GALNT13: variants seen among roughly 807,000 people sequenced by gnomAD.
GALNT13 encodes polypeptide N-acetylgalactosaminyltransferase 13, also known as UDP-GalNAc:polypeptide N-acetylgalactosaminyltransferase 13.
A neutral mutation model predicts 64.2 loss-of-function variants in GALNT13; 28 were observed. That is an observed-to-expected ratio of 0.44 (90% CI 0.32 to 0.60). The LOEUF (loss-of-function observed/expected upper bound fraction) is 0.60. GALNT13 is among the 20% of genes least tolerant of loss of function. The pLI is 0.05. For synonymous variants in GALNT13, 214 were observed against 224.6 expected, an observed-to-expected ratio of 0.95 and a Z score of 0.42; for missense variants, 577 against 669.8, an observed-to-expected ratio of 0.86 and a Z score of 1.53.
chr2:153,763,040 C>T, the GALNT13 span, among the ~76,000 whole-genome samples: 1 of 151,730 alleles, frequency 6.6e-6, no homozygotes, highest in African/African-American at 2.4e-5. Flanking sequence ...ATTATACCCA[C>T]ATTTTATGTT....
intron 9 of GALNT13, among the ~76,000 whole-genome samples, chr2:154,389,802 T>C (rs1055552671): frequency 1.3e-5 from 2 of 152,070 alleles, no homozygotes; most frequent in Non-Finnish European, 2.9e-5. Flanking sequence ...GAGGTTTATA[T>C]AGCAGCAAAA....
chr2:153,220,726 C>T, the GALNT13 span, among the ~76,000 whole-genome samples: 1 of 152,108 alleles, frequency 6.6e-6, no homozygotes, highest in Non-Finnish European at 1.5e-5. Context: ...CCCACTCCTG[C>T]ACATAGGCTA....
At chr2:154,139,113 A>G (rs16836103) in intron 3 of GALNT13, among the ~76,000 whole-genome samples, 11,271 of 151,850 alleles carry the variant, frequency 0.074, 490 homozygotes, top group Middle Eastern at 0.14. Flanking sequence ...AGAGATGCCT[A>G]TTCTCTTATA....
At chr2:154,084,655 TTAAAA>T (rs953537570) in intron 3 of GALNT13, among the ~76,000 whole-genome samples, 2 of 151,960 alleles carry the variant, frequency 1.3e-5, no homozygotes, top group African/African-American at 4.8e-5. Flanking sequence ...TGTGTCTTAG[TTAAAA>T]TAATAGGGAA....
intron 3 of GALNT13, among the ~76,000 whole-genome samples, chr2:154,036,963 C>A (rs1249432479): frequency 1.3e-5 from 2 of 152,086 alleles, no homozygotes; most frequent in African/African-American, 2.4e-5. Context: ...AATCCTTCCT[C>A]TAGAAAACAA....
chr2:154,393,097 T>C (rs1239150242), intron 9 of GALNT13, among the ~76,000 whole-genome samples: 1 of 152,228 alleles, frequency 6.6e-6, no homozygotes, highest in African/African-American at 2.4e-5. Context: ...AAATTTGAGA[T>C]GCTTAGTATA....
At chr2:154,305,106 G>T (rs774019504) in intron 9 of GALNT13, among the ~76,000 whole-genome samples, 1 of 152,130 alleles carries the variant, frequency 6.6e-6, no homozygotes, top group Non-Finnish European at 1.5e-5. Flanking sequence ...AGATAAAACA[G>T]GTTGCATTCA....
chr2:153,327,669 T>G, the GALNT13 span, among the ~76,000 whole-genome samples: 1 of 152,008 alleles, frequency 6.6e-6, no homozygotes, highest in South Asian at 2.1e-4. Flanking sequence ...TTCTCTAAAC[T>G]GGTTATTCCA....
chr2:154,094,519 T>A (rs1344564979), intron 3 of GALNT13, among the ~76,000 whole-genome samples: 1 of 152,012 alleles, frequency 6.6e-6, no homozygotes, highest in Non-Finnish European at 1.5e-5. Flanking sequence ...TAAATGCTTA[T>A]TTTTGTGAGA....
chr2:153,871,528 C>T (rs912907835), upstream of GALNT13, among the ~76,000 whole-genome samples: 2 of 152,228 alleles, frequency 1.3e-5, no homozygotes, highest in African/African-American at 4.8e-5. Context: ...CTCTAAGAGG[C>T]TCCCTGGTGC....
intron 2 of GALNT13, among the ~76,000 whole-genome samples, chr2:153,921,817 C>T (rs1202960909): frequency 2.0e-5 from 3 of 151,872 alleles, no homozygotes; most frequent in Non-Finnish European, 4.4e-5. Flanking sequence ...ACAAATATAT[C>T]CTGCAGAGCC....
chr2:153,189,106 G>A, the GALNT13 span, among the ~76,000 whole-genome samples: 11 of 152,250 alleles, frequency 7.2e-5, no homozygotes, highest in East Asian at 3.9e-4. Context: ...AAAGTGAGCC[G>A]TCTCTCTTAT....
intron 11 of GALNT13, among the ~76,000 whole-genome samples, chr2:154,423,848 A>AAAT (rs1700358280): frequency 6.6e-6 from 1 of 152,148 alleles, no homozygotes; most frequent in Admixed American, 6.6e-5. Context: ...AAATATTGGC[A>AAAT]AATACTACCT....
chr2:154,296,877 C>T (rs997056426), intron 8 of GALNT13, among the ~76,000 whole-genome samples: 1 of 152,048 alleles, frequency 6.6e-6, no homozygotes, highest in Non-Finnish European at 1.5e-5. Flanking sequence ...TCCATCAACC[C>T]GTCAGCAATT....
chr2:153,301,095 C>T, the GALNT13 span, among the ~76,000 whole-genome samples: 866 of 151,868 alleles, frequency 5.7e-3, 7 homozygotes, highest in African/African-American at 0.019. Context: ...ACTCAGGGGC[C>T]TGAGGTGGAA....
In GALNT13 at chr2:154,124,430, A is replaced by C. The variant is rs76634011; in HGVS notation, c.143-15907A>C. ...ATTTTGTTATAGATCTGCGTACAAC[A>C]AATAATATTGCAAATAAAGCCAGTA... On this transcript the variant is annotated intron_variant, in intron 3 of 12. Coordinates refer to ENST00000392825, the MANE Select transcript of GALNT13 (RefSeq NM_052917.4). Among the ~76,000 whole-genome samples, 920 of 152,188 alleles carry C rather than the reference A, an allele frequency of 6.0e-3. 9 individuals carry two copies. The highest frequency in any genetic ancestry group is 0.021 in the African/African-American group (891 of 41,570).
intron 3 of GALNT13, among the ~76,000 whole-genome samples, chr2:154,029,435 A>C (rs1698201044): frequency 1.3e-5 from 2 of 152,130 alleles, no homozygotes; most frequent in African/African-American, 4.8e-5. Flanking sequence ...ATGGCTATCC[A>C]TGTATTACCC....
intron 4 of GALNT13, among the ~76,000 whole-genome samples, chr2:154,222,156 T>G (rs1038372376): frequency 1.1e-4 from 16 of 152,090 alleles, no homozygotes; most frequent in African/African-American, 3.9e-4. Context: ...TACAGGTTGA[T>G]CCACTCTCCT....
the GALNT13 span, among the ~76,000 whole-genome samples, chr2:153,448,025 A>G: frequency 2.6e-4 from 40 of 152,326 alleles, no homozygotes; most frequent in South Asian, 4.1e-4. Flanking sequence ...TTAAATCTAA[A>G]AAGTCTCAAT....
Sources: gnomAD v4.1 joint callset for allele counts (sites outside exome capture counted in the v4.1 genomes callset) on GRCh38, gnomAD v4.1.1 for gene constraint, MANE v1.5 for transcripts, NCBI Gene and HGNC (gene_info 2026-07-23, HGNC 2026-07-21) for gene names.